The following DIS3L2 variants were observed in gnomAD, a reference collection of about 807,000 sequenced individuals.
DIS3L2 encodes the protein DIS3 like 3'-5' exoribonuclease 2, also known as DIS3-like exonuclease 2.
In DIS3L2, 34 loss-of-function variants were observed where a neutral mutation model predicts 97.5. That is an observed-to-expected ratio of 0.35 (90% CI 0.27 to 0.46). The LOEUF is 0.46. DIS3L2 is among the 20% of genes least tolerant of loss of function. The pLI, the probability that DIS3L2 is intolerant of heterozygous loss-of-function variation, is 1.00. For missense variants in DIS3L2, 1,038 were observed against 1,146.0 expected (o/e 0.91, Z 1.36); for synonymous variants, 435 against 445.2 (o/e 0.98, Z 0.29).
intron 1 of DIS3L2, among the ~76,000 whole-genome samples, chr2:231,975,491 C>T (rs574918528): frequency 1.6e-4 from 24 of 151,564 alleles, no homozygotes; most frequent in Middle Eastern, 6.8e-3. Context: ...TCACGAGGTC[C>T]GGAGATTGAG....
chr2:232,138,263 G>A (rs1014126785), intron 8 of DIS3L2, among the ~76,000 whole-genome samples: 5 of 151,994 alleles, frequency 3.3e-5, no homozygotes, highest in African/African-American at 1.2e-4. Context: ...CAACAAAAAG[G>A]GAGTCAGGTC....
At chr2:232,187,442 A>AATT (rs955887746) in intron 9 of DIS3L2, among the ~76,000 whole-genome samples, 1 of 152,006 alleles carries the variant, frequency 6.6e-6, no homozygotes, top group South Asian at 2.1e-4. Flanking sequence ...CTTGTACATG[A>AATT]ATTATTATTA....
chr2:232,338,954 G>A (rs180826170), downstream of DIS3L2, among the ~76,000 whole-genome samples: 455 of 152,388 alleles, frequency 3.0e-3, no homozygotes, highest in Non-Finnish European at 4.7e-3. Context: ...CACCGTGGGG[G>A]AGGGAGGGAG....
At chr2:232,331,283 G>A (rs1333025485) in intron 16 of DIS3L2, among the ~76,000 whole-genome samples, 5 of 152,214 alleles carry the variant, frequency 3.3e-5, no homozygotes, top group Non-Finnish European at 5.9e-5. Context: ...CTGTCACAGC[G>A]CCCCAGGCTG....
intron 13 of DIS3L2, among the ~76,000 whole-genome samples, chr2:232,283,406 G>T (rs2106303677): frequency 6.6e-6 from 1 of 152,300 alleles, no homozygotes; most frequent in East Asian, 1.9e-4. Context: ...ATAGGCACGT[G>T]TCTTCATGCT....
chr2:232,030,770 T>C (rs577273911), intron 5 of DIS3L2, among the ~76,000 whole-genome samples: 38 of 152,220 alleles, frequency 2.5e-4, no homozygotes, highest in Non-Finnish European at 4.7e-4. Flanking sequence ...TATCTAAGTC[T>C]GAATTTGTCT....
At chr2:232,331,398 C>T (rs949833735) in intron 16 of DIS3L2, among the ~76,000 whole-genome samples, 21 of 152,350 alleles carry the variant, frequency 1.4e-4, no homozygotes, top group South Asian at 4.1e-4. Flanking sequence ...GGTCCCACCC[C>T]GGCCCAGGGG....
Position 232,034,471 on chromosome 2 carries a change from G to A in DIS3L2, c.366+4391G>A, listed in dbSNP as rs1694898665. On this transcript the variant is annotated intron_variant, in intron 5 of 20. Transcript: ENST00000325385. Reference sequence around the variant, plus strand: ...GTTTTTCATGTCTCTATCTCCTTCAGTTCTGCTCCGATCTTAGTTATTTCT... The same window carrying A: ...GTTTTTCATGTCTCTATCTCCTTCAATTCTGCTCCGATCTTAGTTATTTCT... Among the ~76,000 whole-genome samples the A allele has an allele frequency of 4.6e-5, 7 of 152,078 alleles. No homozygotes were observed. In the South Asian group the frequency reaches 1.5e-3, roughly 32 times the overall value.
intron 6 of DIS3L2, among the ~76,000 whole-genome samples, chr2:232,123,420 C>T (rs1323379660): frequency 1.3e-5 from 2 of 151,972 alleles, no homozygotes; most frequent in Admixed American, 6.6e-5. Context: ...GTACCTTATC[C>T]GACAGTGCCT....
intron 12 of DIS3L2, among the ~76,000 whole-genome samples, chr2:232,262,202 C>G (rs1403150593): frequency 4.6e-5 from 7 of 152,152 alleles, no homozygotes; most frequent in African/African-American, 1.7e-4. Context: ...CCCCAACCGC[C>G]CTTTCTTCCA....
rs116475232 is a variant in DIS3L2 at position 232,327,824 on chromosome 2, G to A, written c.1740-1989G>A. On this transcript the variant is annotated intron_variant, in intron 14 of 20. Coordinates refer to ENST00000325385, the MANE Select transcript of DIS3L2 (RefSeq NM_152383.5). ...GGGGCAACAGGAGAACAGTGCCTGC[G>A]TCCTGAGGGCTTTCAATGCATCAGG... Among the ~76,000 whole-genome samples, 77 of 152,332 alleles carry A rather than the reference G, an allele frequency of 5.1e-4. 1 individual carries two copies. Among genetic ancestry groups the A allele is most frequent in the African/African-American group, 1.6e-3 (67 of 41,566 alleles).
chr2:232,014,973 C>A lies in DIS3L2; in HGVS notation c.46C>A (p.Pro16Thr), dbSNP rs974812898. 6.2e-7 allele frequency: 1 copy of A among 1,613,860 alleles called. No homozygotes were observed. Among genetic ancestry groups the A allele is most frequent in the Non-Finnish European group, 8.5e-7 (1 of 1,179,922 alleles). Residue 16 changes from proline to threonine, a missense_variant, in exon 2 of 21, where the codon CCC becomes ACC. Physicochemically the swap from Pro to Thr is conservative, Grantham distance 38. Coordinates refer to ENST00000325385, the MANE Select transcript of DIS3L2 (RefSeq NM_152383.5). ...YRMNLRPLGT[P>T]RGVSAVAGPH... ...AATGAACCTCCGGCCCCTGGGGACCCCCAGAGGTAGTAAAAGGAAAATGGA... is the reference window on the plus strand; with the variant it reads ...AATGAACCTCCGGCCCCTGGGGACCACCAGAGGTAGTAAAAGGAAAATGGA...
chr2:231,972,599 A>G (rs1692953589), intron 1 of DIS3L2, among the ~76,000 whole-genome samples: 2 of 152,216 alleles, frequency 1.3e-5, no homozygotes, highest in Non-Finnish European at 2.9e-5. Flanking sequence ...GCTGGAGTGC[A>G]GTGGTGCAAT....
chr2:232,098,693 A>G (rs897772335), intron 6 of DIS3L2, among the ~76,000 whole-genome samples: 1 of 152,064 alleles, frequency 6.6e-6, no homozygotes, highest in Non-Finnish European at 1.5e-5. Context: ...AGTTCTATTA[A>G]TTGCTTTTTT....
At chr2:232,024,357 T>G in intron 4 of DIS3L2, 27 bp downstream of exon 4, 1 of 1,536,926 alleles carries the variant, frequency 6.5e-7, no homozygotes, top group Non-Finnish European at 8.9e-7. Flanking sequence ...TATAATAAAC[T>G]TTATGTCACA....
In DIS3L2 at chr2:232,263,333, CCAGAGCATAG is replaced by C. The variant is rs1574980061; in HGVS notation, c.1556_1565del (p.Glu519AlafsTer9). The C allele has an allele frequency of 1.2e-6, 2 of 1,614,082 alleles. No individual in the cohort carries two copies. Among genetic ancestry groups the C allele is most frequent in the Non-Finnish European group, 1.7e-6 (2 of 1,180,056 alleles). On this transcript the variant is annotated frameshift_variant, in exon 13 of 21. Transcript: ENST00000325385. LOFTEE classifies it high-confidence loss of function. ...TGCGAAAGAGCTGCCCCCCATTTCCCCAGAGCATAGCAGCGAGGAGGTACACCAGGCCGTC... is the reference window on the plus strand; with the variant it reads ...TGCGAAAGAGCTGCCCCCCATTTCCCCAGCGAGGAGGTACACCAGGCCGTC...
At chr2:232,002,833 G>T (rs1239979116) in intron 1 of DIS3L2, among the ~76,000 whole-genome samples, 1 of 152,048 alleles carries the variant, frequency 6.6e-6, no homozygotes, top group African/African-American at 2.4e-5. Flanking sequence ...GTGTCTTTTT[G>T]CACAAATGAT....
chr2:232,308,685 C>T (rs1358027589), intron 14 of DIS3L2, among the ~76,000 whole-genome samples: 1 of 152,162 alleles, frequency 6.6e-6, no homozygotes, highest in Non-Finnish European at 1.5e-5. Context: ...CTCTCCCCAG[C>T]CCACAGGCAC....
rs1331022242 is a variant in DIS3L2 at position 232,052,029 on chromosome 2, C to T, written c.366+21949C>T. On this transcript the variant is annotated intron_variant, in intron 5 of 20. Transcript: ENST00000325385. ...TTGGATTTGTTTTCATCTTAATTTC[C>T]TTTTTTTTTTTTGAGATGGAGTTTC... 8.5e-5 allele frequency among the ~76,000 whole-genome samples: 12 copies of T among 141,934 alleles called. No individual in the cohort carries two copies. In the East Asian group the frequency reaches 2.0e-3, roughly 24 times the overall value. The allele number at this position is 141,934 out of a possible 152,430, so 93.1% of individuals were successfully genotyped here.
Sources: allele counts gnomAD v4.1 joint callset (sites outside exome capture counted in the v4.1 genomes callset), GRCh38; gene constraint gnomAD v4.1.1; transcripts MANE v1.5; gene names NCBI Gene and HGNC (gene_info 2026-07-23, HGNC 2026-07-21).